Variants in PAN2 observed in about 807,000 individuals in gnomAD.
PAN2 encodes the protein PAN2-PAN3 deadenylation complex catalytic subunit PAN2.
Under a neutral mutation model 133.3 loss-of-function variants are expected in PAN2, and 68 were observed. The observed-to-expected ratio is 0.51, with a 90% CI of 0.42 to 0.62. PAN2 has a LOEUF of 0.62. Ranked by LOEUF, PAN2 falls within the 20% of genes least tolerant of loss-of-function variation. The pLI, the probability that PAN2 is intolerant of heterozygous loss-of-function variation, is 0.00. For synonymous variants in PAN2, 462 were observed against 544.6 expected (o/e 0.85, Z 2.11); for missense variants, 1,042 against 1,500.5 (o/e 0.69, Z 5.05).
rs764893192 is a variant in PAN2, at chr12:56,333,001, T to G, written c.94A>C (p.Ser32Arg). The G allele has an allele frequency of 2.5e-6, 4 of 1,614,194 alleles. No homozygotes were observed. The highest frequency in any genetic ancestry group is 3.4e-6 in the Non-Finnish European group (4 of 1,180,022). ...TCCAGCTCCACATTCTGTAGCAGAC[T>G]TGGGTTCAGGTGGGCATCCAAGACA... ...DPVLDAHLNP[S>R]LLQNVELDPE... is the part of the protein sequence containing the mutation. Residue 32 changes from serine (S) to arginine (R), a missense_variant, in exon 2 of 26, where the codon AGT becomes CGT. Coordinates refer to ENST00000440411, the MANE Select transcript of PAN2 (RefSeq NM_014871.6).
At chr12:56,324,021 G>A (rs2291361) in intron 13 of PAN2, 28 bp downstream of exon 13, 93,440 of 1,613,574 alleles carry the variant, frequency 0.058, 3,125 homozygotes, top group Non-Finnish European at 0.066. Context: ...CTTCCCAACT[G>A]AGCTGAAGGG....
rs769342004 is a variant in PAN2, at chr12:56,324,042, T to A, written c.2065+7A>T. ...AACTGAGCTGAAGGGTATACCACTT[T>A]TGCTACCATCAGGGTAGGAGAGTGT... On this transcript the variant is annotated splice_region_variant and intron_variant, in intron 13 of 25. Transcript: ENST00000440411. 22 of 1,614,038 alleles carry A rather than the reference T, an allele frequency of 1.4e-5. No individual in the cohort carries two copies. In the African/African-American group the frequency reaches 2.5e-4, roughly 19 times the overall value.
intron 8 of PAN2, among the ~76,000 whole-genome samples, chr12:56,325,904 T>A (rs1875071104): frequency 6.6e-6 from 1 of 152,220 alleles, no homozygotes; most frequent in Non-Finnish European, 1.5e-5. Flanking sequence ...AACACTCTTC[T>A]CTCATCTTGG....
At chr12:56,324,916 G>T in intron 10 of PAN2, 93 bp downstream of exon 10, 1 of 1,487,588 alleles carries the variant, frequency 6.7e-7, no homozygotes, top group Non-Finnish European at 9.2e-7. Flanking sequence ...AAGAGAACAC[G>T]GCTGAGGAGA....
Position 56,328,603 on chromosome 12 carries a change from G to A in PAN2, c.321C>T (p.Arg107=). The A allele has an allele frequency of 1.2e-6, 2 of 1,614,166 alleles. No individual in the cohort carries two copies. Among genetic ancestry groups the A allele is most frequent in the Admixed American group, 3.3e-5 (2 of 60,028 alleles). ...ATSFFGPALE[R]YSSFQVNGSD... Reference sequence around the variant, plus strand: ...TGCCATTGACTTGAAAGGATGAGTAGCGCTCCAAGGCTGGGCCAAAAAATG... The same window carrying A: ...TGCCATTGACTTGAAAGGATGAGTAACGCTCCAAGGCTGGGCCAAAAAATG... Residue 107 remains arginine, a synonymous_variant, in exon 3 of 26, where the codon CGC becomes CGT. Coordinates refer to ENST00000440411, the MANE Select transcript of PAN2 (RefSeq NM_014871.6).
chr12:56,328,588 T>G lies in PAN2; in HGVS notation c.336A>C (p.Gln112His), dbSNP rs773552099. Residue 112 changes from glutamine to histidine, a missense_variant, in exon 3 of 26, where the codon CAA becomes CAC. Around this residue, in one of 3 missense-constraint regions of PAN2, gnomAD observed 908 missense variants for 1,223.5 expected, o/e 0.74. Transcript: ENST00000440411. ...GPALERYSSF[Q>H]VNGSDDIRQI... ...GCCGAATATCATCACTGCCATTGAC[T>G]TGAAAGGATGAGTAGCGCTCCAAGG... The G allele has an allele frequency of 4.3e-6, 7 of 1,614,222 alleles. No homozygotes were observed. The highest frequency in any genetic ancestry group is 5.9e-6 in the Non-Finnish European group (7 of 1,180,022).
chr12:56,332,273 G>C (rs1875967455), intron 2 of PAN2, among the ~76,000 whole-genome samples: 1 of 152,130 alleles, frequency 6.6e-6, no homozygotes. Context: ...CAACTATCAA[G>C]ATAAATCAAA....
At chr12:56,333,329 A>T in intron 1 of PAN2, 121 bp from the exon 2 acceptor site, 1 of 520,970 alleles carries the variant, frequency 1.9e-6, no homozygotes, top group Non-Finnish European at 3.5e-6. Flanking sequence ...TGCCAGCCAA[A>T]GGATGAAGCA....
chr12:56,322,268 T>A, intron 19 of PAN2, 100 bp from the exon 20 acceptor site: 2 of 1,063,714 alleles, frequency 1.9e-6, no homozygotes, highest in Non-Finnish European at 2.9e-6. Context: ...TTTTTGTTTT[T>A]TTTCAGGTGC....
chr12:56,328,136 A>G, intron 4 of PAN2, 64 bp from the exon 5 acceptor site: 1 of 1,608,864 alleles, frequency 6.2e-7, no homozygotes, highest in Non-Finnish European at 8.5e-7. Context: ...AAGGGAACAG[A>G]AAGGTCACAC....
chr12:56,324,968 G>C (rs1874954307), intron 10 of PAN2, 41 bp downstream of exon 10: 4 of 1,607,394 alleles, frequency 2.5e-6, no homozygotes, highest in African/African-American at 1.3e-5. Context: ...AAGAAGAAAA[G>C]CAGCAGGCAC....
intron 20 of PAN2, among the ~76,000 whole-genome samples, chr12:56,320,404 G>A (rs1257448829): frequency 2.0e-5 from 3 of 151,910 alleles, no homozygotes; most frequent in Non-Finnish European, 4.4e-5. Context: ...TTGGGAGGCC[G>A]AGGCGGGCGG....
At chr12:56,321,228 ATT>A (rs112926568) in intron 20 of PAN2, among the ~76,000 whole-genome samples, 26 of 136,156 alleles carry the variant, frequency 1.9e-4, no homozygotes, top group East Asian at 2.1e-4. Context: ...ACTCAGCTAA[ATT>A]TTTTTTTTTT....
intron 2 of PAN2, among the ~76,000 whole-genome samples, chr12:56,330,288 A>G (rs1250656639): frequency 1.3e-5 from 2 of 150,246 alleles, no homozygotes; most frequent in African/African-American, 4.9e-5. Flanking sequence ...ACACTACAAA[A>G]CCAAACAAAA....
intron 8 of PAN2, 134 bp downstream of exon 8, chr12:56,326,178 TA>T: frequency 2.7e-6 from 2 of 751,160 alleles, no homozygotes; most frequent in South Asian, 2.4e-5. Context: ...GAATCCTCCC[TA>T]ACACCTAGCA....
intron 20 of PAN2, among the ~76,000 whole-genome samples, chr12:56,321,206 A>G (rs952825099): frequency 2.2e-4 from 33 of 150,690 alleles, no homozygotes; most frequent in Admixed American, 6.6e-4. Flanking sequence ...GACCACAAGT[A>G]TATGCCACCA....
intron 9 of PAN2, 50 bp from the exon 10 acceptor site, chr12:56,325,178 A>G (rs747305389): frequency 4.4e-6 from 7 of 1,600,462 alleles, no homozygotes; most frequent in Admixed American, 3.4e-5. Context: ...AGAGTCCCCA[A>G]ATCTTTCCAG....
At position 56,322,464 on chromosome 12, in the gene PAN2, A is replaced by T; in HGVS notation, c.2656T>A (p.Trp886Arg). 1 of 1,613,872 alleles carries T rather than the reference A, an allele frequency of 6.2e-7. No individual in the cohort carries two copies. Among genetic ancestry groups the T allele is most frequent in the Non-Finnish European group, 8.5e-7 (1 of 1,179,750 alleles). The change falls in exon 19 of 26, where the codon TGG becomes AGG. Residue 886 changes from tryptophan (W) to arginine (R), a missense_variant. This residue lies in a region of PAN2 where 908 missense variants were observed against 1,223.5 expected (regional missense o/e 0.74). Transcript: ENST00000440411. ...ATAAGAAAGTCATTGAACAGATACC[A>T]CTGCTGGTGAGTAACGCCCTATGGA... ...QRKEGVTHQQ[W>R]YLFNDFLIEP...
intron 2 of PAN2, 40 bp downstream of exon 2, chr12:56,332,773 T>C: frequency 6.3e-7 from 1 of 1,597,258 alleles, no homozygotes; most frequent in Non-Finnish European, 8.6e-7. Flanking sequence ...ATAAAGACCT[T>C]CAACATCTTT....
Sources: allele counts gnomAD v4.1 joint callset (sites outside exome capture counted in the v4.1 genomes callset), GRCh38; gene constraint gnomAD v4.1.1; regional missense constraint gnomAD v4.1.1; transcripts MANE v1.5; gene names NCBI Gene and HGNC (gene_info 2026-07-23, HGNC 2026-07-21).